Variants in GEM observed in about 807,000 individuals in gnomAD.
The protein encoded by GEM is GTP-binding protein GEM.
In GEM, 31 loss-of-function variants were observed where a neutral mutation model predicts 33.0. The observed-to-expected ratio is 0.94, with a 90% CI of 0.71 to 1.27. The LOEUF is 1.27. Among genes scored for constraint, GEM ranks in the 50% most tolerant of loss-of-function variants. GEM has a pLI of 0.00. For synonymous variants in GEM, 141 were observed against 143.7 expected (o/e 0.98, Z 0.13); for missense variants, 354 against 390.5 (o/e 0.91, Z 0.79).
intron 1 of GEM, chr8:94,260,737 C>G: frequency 2.1e-6 from 1 of 484,242 alleles, no homozygotes; most frequent in East Asian, 3.2e-5. Context: ...CTCAGGCAGA[C>G]TATCATTTGC....
chr8:94,254,596 T>C (rs1381776499), intron 2 of GEM, among the ~76,000 whole-genome samples: 1 of 152,204 alleles, frequency 6.6e-6, no homozygotes, highest in Admixed American at 6.5e-5. Context: ...GTTCTTGCCA[T>C]ACTCAGCACT....
chr8:94,254,549 T>C (rs556054215), intron 2 of GEM, among the ~76,000 whole-genome samples: 1 of 152,334 alleles, frequency 6.6e-6, no homozygotes, highest in South Asian at 2.1e-4. Context: ...ACTCAGTCAG[T>C]GTTAGCCATT....
chr8:94,256,942 G>A (rs575394782), intron 2 of GEM, among the ~76,000 whole-genome samples: 2 of 152,246 alleles, frequency 1.3e-5, no homozygotes, highest in South Asian at 2.1e-4. Context: ...GCAGCTTGAG[G>A]AGGCTAAGTG....
chr8:94,253,156 A>G (rs1808814840), intron 2 of GEM, 44 bp from the exon 3 acceptor site: 1 of 998,896 alleles, frequency 1.0e-6, no homozygotes, highest in African/African-American at 1.6e-5. Flanking sequence ...GCGAATATGC[A>G]ACACTTCTCC....
intron 2 of GEM, 125 bp downstream of exon 2, chr8:94,260,048 C>A (rs571595879): frequency 1.6e-6 from 1 of 633,790 alleles, no homozygotes; most frequent in Non-Finnish European, 2.8e-6. Context: ...CTCAGCTCCC[C>A]CATCAATTGT....
At chr8:94,252,301 T>A in intron 3 of GEM, 78 bp from the exon 4 acceptor site, 1 of 986,740 alleles carries the variant, frequency 1.0e-6, no homozygotes, top group Non-Finnish European at 1.6e-6. Context: ...AAACAATATG[T>A]GTATCCTAAA....
At chr8:94,250,686 G>A (rs1412111848) in intron 4 of GEM, 99 bp from the exon 5 acceptor site, 3 of 923,320 alleles carry the variant, frequency 3.2e-6, no homozygotes, top group Non-Finnish European at 3.2e-6. Context: ...TAAGTCAGCT[G>A]TATATGCAGT....
chr8:94,249,377 G>C lies in GEM; in HGVS notation c.*933C>G, dbSNP rs1215748328. 6.6e-6 allele frequency: 1 copy of C among 152,040 alleles called. No homozygotes were observed. The highest frequency in any genetic ancestry group is 2.4e-5 in the African/African-American group (1 of 41,390). The allele number at this position is 152,040 out of a possible 1,614,324, so 9.4% of individuals were successfully genotyped here. A position where few individuals can be genotyped will look rare whatever the true frequency, so the allele number is the denominator to read the frequency against. On this transcript the variant is annotated 3_prime_UTR_variant, in exon 5 of 5. Coordinates refer to ENST00000297596, the MANE Select transcript of GEM (RefSeq NM_005261.4). Reference sequence around the variant, plus strand: ...TATTAAGAAATATGTTCATAAATATGCTTTATCAAATGTTAAAATGGTTAT... The same window carrying C: ...TATTAAGAAATATGTTCATAAATATCCTTTATCAAATGTTAAAATGGTTAT...
Position 94,260,455 on chromosome 8 carries a change from G to T in GEM, c.49C>A (p.Pro17Thr), listed in dbSNP as rs1171125278. The T allele has an allele frequency of 1.2e-6, 2 of 1,612,602 alleles. No individual in the cohort carries two copies. Among genetic ancestry groups the T allele is most frequent in the South Asian group, 2.2e-5 (2 of 91,018 alleles). The part of the protein sequence containing the change: ...TMRQGTVGMQ[P>T]QQQRWSIPAD... ...GGGATGCTCCAGCGCTGCTGCTGTGGCTGCATGCCCACAGTGCCCTGGCGC... is the reference window on the plus strand; with the variant it reads ...GGGATGCTCCAGCGCTGCTGCTGTGTCTGCATGCCCACAGTGCCCTGGCGC... The change falls in exon 2 of 5, where the codon CCA becomes ACA. Residue 17 changes from proline (P) to threonine (T), a missense_variant. Physicochemically the swap from Pro to Thr is conservative, Grantham distance 38. Transcript: ENST00000297596.
chr8:94,253,035 C>T lies in GEM; in HGVS notation c.408+1G>A, dbSNP rs201196388. 3.0e-4 allele frequency: 471 copies of T among 1,554,780 alleles called. No individual in the cohort carries two copies. The highest frequency in any genetic ancestry group is 3.9e-4 in the Non-Finnish European group (441 of 1,126,310). ...TTTAGAGAGCTACAGGCTCTGCATACCTTATTTTCCCACATATCCAGGAGT... is the reference window on the plus strand; with the variant it reads ...TTTAGAGAGCTACAGGCTCTGCATATCTTATTTTCCCACATATCCAGGAGT... On this transcript the variant is annotated splice_donor_variant, in intron 3 of 4. Coordinates refer to ENST00000297596, the MANE Select transcript of GEM (RefSeq NM_005261.4). LOFTEE classifies it high-confidence loss of function.
intron 2 of GEM, among the ~76,000 whole-genome samples, chr8:94,254,875 G>T (rs1229279693): frequency 6.6e-6 from 1 of 152,126 alleles, no homozygotes; most frequent in Admixed American, 6.5e-5. Context: ...TTGCCCTTGG[G>T]GAATTAAAAC....
intron 4 of GEM, among the ~76,000 whole-genome samples, chr8:94,250,915 T>C (rs1808756363): frequency 6.6e-6 from 1 of 152,218 alleles, no homozygotes; most frequent in South Asian, 2.1e-4. Flanking sequence ...AGAACAAGGC[T>C]AAGTTCTTTA....
At position 94,249,540 on chromosome 8, in the gene GEM, G is replaced by T. The variant is rs1489033252; in HGVS notation, c.*770C>A. On this transcript the variant is annotated 3_prime_UTR_variant, in exon 5 of 5. Transcript: ENST00000297596. ...AAAAATTGACATTTTGCACTACAGG[G>T]TATCAATAATTCTGATTTTAAAAAT... The T allele has an allele frequency of 6.6e-6, 1 of 152,066 alleles. No individual in the cohort carries two copies. Among genetic ancestry groups the T allele is most frequent in the African/African-American group, 2.4e-5 (1 of 41,398 alleles). 9.4% of individuals were successfully genotyped at this position (152,066 alleles called of 1,614,324 possible). A position where few individuals can be genotyped will look rare whatever the true frequency, so the allele number is the denominator to read the frequency against.
At chr8:94,251,763 C>G (rs570769547) in intron 4 of GEM, among the ~76,000 whole-genome samples, 1 of 152,276 alleles carries the variant, frequency 6.6e-6, no homozygotes, top group South Asian at 2.1e-4. Context: ...TCCCTGTACT[C>G]TTGGGAATTC....
rs988585088 is a variant in GEM, at chr8:94,250,157, C to T, written c.*153G>A. 5 of 634,132 alleles carry T rather than the reference C, an allele frequency of 7.9e-6. No individual in the cohort carries two copies. The East Asian group carries it at 1.4e-4, about 18-fold the overall frequency. The allele number at this position is 634,132 out of a possible 1,614,324, so 39.3% of individuals were successfully genotyped here. ...CTTTTTACAAAAATCTTTCATTTCC[C>T]ATGCATCATGTTGCCCACAAGGCTA... is the stretch of plus-strand genomic sequence containing the variant. On this transcript the variant is annotated 3_prime_UTR_variant, in exon 5 of 5. Coordinates refer to ENST00000297596, the MANE Select transcript of GEM (RefSeq NM_005261.4).
At position 94,253,645 on chromosome 8, in the gene GEM, GT is replaced by G. The variant is rs541903229; in HGVS notation, c.332-534del. 3.7e-3 allele frequency among the ~76,000 whole-genome samples: 517 copies of G among 140,956 alleles called. 4 individuals carry two copies. The highest frequency in any genetic ancestry group is 0.012 in the African/African-American group (491 of 40,678). 92.5% of individuals were successfully genotyped at this position (140,956 alleles called of 152,430 possible). On this transcript the variant is annotated intron_variant, in intron 2 of 4. Transcript: ENST00000297596. ...TGAGACTCTCCCTGTTTTGGCTGTA[GT>G]TTTCTTCCTTTTTTTAAAAAAAATG...
Position 94,249,380 on chromosome 8 carries a change from T to C in GEM, c.*930A>G, listed in dbSNP as rs145900354. The C allele has an allele frequency of 7.0e-4, 106 of 152,302 alleles. No individual in the cohort carries two copies. The highest frequency in any genetic ancestry group is 2.3e-3 in the African/African-American group (96 of 41,562). The allele number at this position is 152,302 out of a possible 1,614,324, so 9.4% of individuals were successfully genotyped here. A position where few individuals can be genotyped will look rare whatever the true frequency, so the allele number is the denominator to read the frequency against. The stretch of plus-strand genomic sequence containing the variant: ...TAAGAAATATGTTCATAAATATGCT[T>C]TATCAAATGTTAAAATGGTTATTTT... On this transcript the variant is annotated 3_prime_UTR_variant, in exon 5 of 5. Transcript: ENST00000297596.
At chr8:94,255,323 G>A (rs528694270) in intron 2 of GEM, among the ~76,000 whole-genome samples, 67 of 152,302 alleles carry the variant, frequency 4.4e-4, no homozygotes, top group South Asian at 6.2e-4. Context: ...ATGCTTTCCC[G>A]TTCTAGAAGC....
intron 3 of GEM, 142 bp from the exon 4 acceptor site, chr8:94,252,365 C>T (rs2129753926): frequency 6.3e-6 from 4 of 638,388 alleles, no homozygotes; most frequent in Non-Finnish European, 1.1e-5. Context: ...CTTCCAACTC[C>T]CTAAAAGCAT....
Sources: allele counts gnomAD v4.1 joint callset (sites outside exome capture counted in the v4.1 genomes callset), GRCh38; gene constraint gnomAD v4.1.1; transcripts MANE v1.5; gene names NCBI Gene and HGNC (gene_info 2026-07-23, HGNC 2026-07-21).